The following PLBD1 variants were observed in gnomAD, a reference collection of about 807,000 sequenced individuals.
PLBD1 encodes phospholipase B domain containing 1, also known as lysosomal leucine aminopeptidase.
Under a neutral mutation model 63.0 loss-of-function variants are expected in PLBD1, and 60 were observed. The ratio of observed to expected loss-of-function variants is 0.95; its 90% confidence interval spans 0.77 to 1.18. The LOEUF is 1.18. Among genes scored for constraint, PLBD1 ranks in the 50% most tolerant of loss-of-function variants. The pLI, the probability that PLBD1 is intolerant of heterozygous loss-of-function variation, is 0.00. For synonymous variants in PLBD1, 262 were observed against 248.0 expected (o/e 1.06, Z -0.53); for missense variants, 598 against 677.9 (o/e 0.88, Z 1.31).
chr12:14,527,790 T>C (rs1308776108), intron 6 of PLBD1, among the ~76,000 whole-genome samples: 1 of 141,044 alleles, frequency 7.1e-6, no homozygotes, highest in Admixed American at 7.5e-5. Context: ...TATTTCTGTG[T>C]AAATAAAATT....
At chr12:14,565,179 A>C (rs946586167) in intron 1 of PLBD1, among the ~76,000 whole-genome samples, 19 of 152,178 alleles carry the variant, frequency 1.2e-4, no homozygotes, top group African/African-American at 4.6e-4. Context: ...GAATTAACTA[A>C]AAGTGTCCGG....
intron 10 of PLBD1, 147 bp from the exon 11 acceptor site, chr12:14,504,101 G>C (rs1223910703): frequency 1.4e-6 from 1 of 721,174 alleles, no homozygotes; most frequent in South Asian, 2.0e-5. Context: ...CCAGACTGGA[G>C]TACAGTGGCA....
chr12:14,553,468 T>G, intron 1 of PLBD1, 56 bp from the exon 2 acceptor site: 2 of 1,352,626 alleles, frequency 1.5e-6, no homozygotes, highest in South Asian at 1.2e-5. Flanking sequence ...GTGATGCATT[T>G]TTTTCCTATG....
At position 14,567,814 on chromosome 12, in the gene PLBD1, G is replaced by A. The variant is rs1485915796; in HGVS notation, c.-118C>T. The stretch of plus-strand genomic sequence containing the variant: ...GGGCGCCGCCTCTCCGAGGTGGGGC[G>A]TCCTCAACTTTCCTCTTTCTTGAGC... On this transcript the variant is annotated 5_prime_UTR_variant, in exon 1 of 11. It adds an upstream start codon to the 5' untranslated region. Coordinates refer to ENST00000240617, the MANE Select transcript of PLBD1 (RefSeq NM_024829.6). 6 of 1,285,760 alleles carry A rather than the reference G, an allele frequency of 4.7e-6. No homozygotes were observed. Among genetic ancestry groups the A allele is most frequent in the Admixed American group, 8.1e-5 (2 of 24,632 alleles). The allele number at this position is 1,285,760 out of a possible 1,614,324, so 79.6% of individuals were successfully genotyped here. A position where few individuals can be genotyped will look rare whatever the true frequency, so the allele number is the denominator to read the frequency against.
At chr12:14,520,448 G>A (rs373742960) in intron 6 of PLBD1, among the ~76,000 whole-genome samples, 15 of 151,824 alleles carry the variant, frequency 9.9e-5, no homozygotes, top group East Asian at 9.6e-4. Flanking sequence ...TGCAAGCAAG[G>A]TAATTGCCTG....
chr12:14,517,640 C>T (rs539433570), intron 6 of PLBD1, among the ~76,000 whole-genome samples: 1 of 152,168 alleles, frequency 6.6e-6, no homozygotes, highest in Admixed American at 6.5e-5. Context: ...AAAATACCCT[C>T]CTTGAGGCTT....
chr12:14,566,755 T>G (rs1027487839), intron 1 of PLBD1, among the ~76,000 whole-genome samples: 2 of 150,706 alleles, frequency 1.3e-5, no homozygotes, highest in Admixed American at 1.3e-4. Context: ...TTTTCTCATC[T>G]GCAGAATGGG....
At chr12:14,549,398 T>G (rs1006811909) in intron 2 of PLBD1, among the ~76,000 whole-genome samples, 3 of 152,178 alleles carry the variant, frequency 2.0e-5, no homozygotes, top group African/African-American at 7.2e-5. Flanking sequence ...CATCAAAGAC[T>G]GCAAAGCAGA....
intron 2 of PLBD1, among the ~76,000 whole-genome samples, chr12:14,547,975 T>C (rs2136928305): frequency 6.6e-6 from 1 of 152,246 alleles, no homozygotes; most frequent in Non-Finnish European, 1.5e-5. Context: ...AGTTTTCATA[T>C]AAATAATATG....
chr12:14,550,547 C>G (rs1053664988), intron 2 of PLBD1, among the ~76,000 whole-genome samples: 3 of 152,060 alleles, frequency 2.0e-5, no homozygotes, highest in Non-Finnish European at 2.9e-5. Flanking sequence ...AACAAAATTA[C>G]CAGCCTGGGA....
At chr12:14,560,787 A>T (rs1297665078) in intron 1 of PLBD1, among the ~76,000 whole-genome samples, 4 of 152,188 alleles carry the variant, frequency 2.6e-5, no homozygotes, top group African/African-American at 9.7e-5. Context: ...CTTCCAGAGA[A>T]CAGGAGTGGT....
chr12:14,559,006 T>A (rs1349412261), intron 1 of PLBD1, among the ~76,000 whole-genome samples: 1 of 152,226 alleles, frequency 6.6e-6, no homozygotes, highest in Non-Finnish European at 1.5e-5. Context: ...TTCCTCAATG[T>A]TTTCTCTAAG....
Position 14,511,276 on chromosome 12 carries a change from AG to A in PLBD1, c.1169del (p.Thr390MetfsTer29). 1.3e-6 allele frequency: 2 copies of A among 1,597,910 alleles called. No homozygotes were observed. On this transcript the variant is annotated frameshift_variant, in exon 8 of 11. Coordinates refer to ENST00000240617, the MANE Select transcript of PLBD1 (RefSeq NM_024829.6). LOFTEE classifies it high-confidence loss of function. ...IPTYVEYSEQ[T>X]DVLRKGYWPS... ...AGAAAGTACCTTTCCGTAGAACATC[AG>A]TTTGTTCAGAATATTCTACATATGT...
At chr12:14,529,866 A>G (rs1413135271) in intron 6 of PLBD1, among the ~76,000 whole-genome samples, 1 of 152,198 alleles carries the variant, frequency 6.6e-6, no homozygotes, top group Non-Finnish European at 1.5e-5. Context: ...TATATAGAAA[A>G]TCCCAAGGAA....
In PLBD1 at chr12:14,506,942, G is replaced by T; in HGVS notation, c.1363C>A (p.Arg455=). 1 of 1,613,760 alleles carries T rather than the reference G, an allele frequency of 6.2e-7. No homozygotes were observed. Among genetic ancestry groups the T allele is most frequent in the South Asian group, 1.1e-5 (1 of 91,032 alleles). ...GAAATATGCTACGTACTGTTGTATC[G>T]CATGATATATTTCATGGATGCCGTA... The part of the protein sequence containing the change: ...TDTASMKYIM[R]YNNYKKDPYS... The change falls in exon 9 of 11, where the codon CGA becomes AGA. Residue 455 remains arginine, a synonymous_variant. Transcript: ENST00000240617.
chr12:14,505,687 G>C (rs767522989), intron 10 of PLBD1, among the ~76,000 whole-genome samples: 1 of 152,132 alleles, frequency 6.6e-6, no homozygotes, highest in Admixed American at 6.5e-5. Context: ...CTGTGCTTTA[G>C]GCATCTTGTC....
At chr12:14,542,010 G>A (rs1405726677) in intron 3 of PLBD1, among the ~76,000 whole-genome samples, 198 bp downstream of exon 3, 1 of 152,208 alleles carries the variant, frequency 6.6e-6, no homozygotes, top group Non-Finnish European at 1.5e-5. Context: ...ACCTTTGAAA[G>A]AGCTGAAATT....
At chr12:14,562,459 CAAAAAAAAAA>C (rs58838197) in intron 1 of PLBD1, among the ~76,000 whole-genome samples, 1 of 102,040 alleles carries the variant, frequency 9.8e-6, no homozygotes, top group African/African-American at 3.7e-5. Flanking sequence ...GACTCCCTCT[CAAAAAAAAAA>C]AAAAAAAAAA....
At chr12:14,559,055 T>A (rs1037538272) in intron 1 of PLBD1, among the ~76,000 whole-genome samples, 2 of 152,248 alleles carry the variant, frequency 1.3e-5, no homozygotes, top group African/African-American at 4.8e-5. Context: ...TCATGCTATT[T>A]TCTGATTTTC....
Sources: allele counts gnomAD v4.1 joint callset (sites outside exome capture counted in the v4.1 genomes callset), GRCh38; gene constraint gnomAD v4.1.1; transcripts MANE v1.5; gene names NCBI Gene and HGNC (gene_info 2026-07-23, HGNC 2026-07-21).